FRY: variants seen among roughly 807,000 people sequenced by gnomAD.
FRY encodes the protein protein furry homolog.
Under a neutral mutation model 348.4 loss-of-function variants are expected in FRY, and 128 were observed. That is an observed-to-expected ratio of 0.37 (90% CI 0.32 to 0.43). The LOEUF is 0.43. FRY is among the 20% of genes least tolerant of loss of function. The pLI, the probability that FRY is intolerant of heterozygous loss-of-function variation, is 1.00. For missense variants in FRY, 2,736 were observed against 3,695.2 expected (o/e 0.74, Z 6.73); for synonymous variants, 1,370 against 1,374.7 (o/e 1.00, Z 0.08).
intron 1 of FRY, 27 bp from the exon 2 acceptor site, chr13:32,078,807 A>T (rs748037214): frequency 5.9e-6 from 9 of 1,538,250 alleles, no homozygotes; most frequent in Middle Eastern, 1.8e-4. Flanking sequence ...ATTATCAGCC[A>T]GTAAGAATGC....
chr13:32,224,193 T>G, intron 36 of FRY, 42 bp from the exon 37 acceptor site: 1 of 1,562,134 alleles, frequency 6.4e-7, no homozygotes, highest in Non-Finnish European at 8.8e-7. Flanking sequence ...ACAAGTCTCC[T>G]CTCCCTGAAA....
At chr13:32,275,257 A>G (rs949998705) in intron 56 of FRY, 125 of 313,034 alleles carry the variant, frequency 4.0e-4, no homozygotes, top group East Asian at 9.3e-4. Flanking sequence ...GTGTAGTGGC[A>G]GGCGCCTGTA....
intron 58 of FRY, among the ~76,000 whole-genome samples, chr13:32,281,396 A>G (rs961995572): frequency 6.6e-6 from 1 of 152,208 alleles, no homozygotes; most frequent in Non-Finnish European, 1.5e-5. Context: ...CACATGGGAA[A>G]ACACTCAAGA....
intron 2 of FRY, among the ~76,000 whole-genome samples, chr13:32,090,085 A>C (rs968140973): frequency 2.6e-5 from 4 of 151,902 alleles, no homozygotes; most frequent in Admixed American, 2.0e-4. Context: ...GCTGTGGCTC[A>C]TGCCTGTAAT....
rs1370434141 is a variant in FRY at position 32,184,648 on chromosome 13, C to T, written c.3103C>T (p.Arg1035Ter). The change falls in exon 25 of 61, where the codon CGA becomes TGA. Residue 1035 changes from arginine (R) to a stop codon, truncating the protein, a stop_gained. Transcript: ENST00000542859. LOFTEE classifies it high-confidence loss of function. ...AGACTTGTTAAGGCTACAACTACTTCGAATTTTTGAACTTTTGGCTGATGC... is the reference window on the plus strand; with the variant it reads ...AGACTTGTTAAGGCTACAACTACTTTGAATTTTTGAACTTTTGGCTGATGC... The part of the protein sequence containing the change: ...RRDLLRLQLL[R>*]IFELLADAGV... The T allele has an allele frequency of 1.2e-6, 2 of 1,613,614 alleles. No individual in the cohort carries two copies. Among genetic ancestry groups the T allele is most frequent in the Non-Finnish European group, 1.7e-6 (2 of 1,179,488 alleles).
chr13:32,127,635 T>C (rs1042065695), intron 7 of FRY, among the ~76,000 whole-genome samples: 21 of 152,114 alleles, frequency 1.4e-4, no homozygotes, highest in African/African-American at 2.4e-4. Flanking sequence ...AAATATTAGC[T>C]GGGAGTGGTG....
chr13:32,256,126 T>G lies in FRY; in HGVS notation c.7416+1732T>G, dbSNP rs1887323341. 2.0e-5 allele frequency among the ~76,000 whole-genome samples: 3 copies of G among 152,336 alleles called. No individual in the cohort carries two copies. The South Asian group carries it at 6.2e-4, about 32-fold the overall frequency. ...AAAATAAATATTATACTAATGTTTT[T>G]CAGGGACAAGAAATAAGGAATACTA... On this transcript the variant is annotated intron_variant, in intron 51 of 60. Transcript: ENST00000542859.
chr13:32,112,102 G>A (rs1030147949), intron 3 of FRY, among the ~76,000 whole-genome samples: 4 of 152,186 alleles, frequency 2.6e-5, no homozygotes, highest in African/African-American at 7.2e-5. Flanking sequence ...GCTTGGACAC[G>A]GGATAGGTGG....
chr13:32,266,265 C>A (rs2138561580), intron 54 of FRY, among the ~76,000 whole-genome samples: 1 of 152,292 alleles, frequency 6.6e-6, no homozygotes, highest in South Asian at 2.1e-4. Flanking sequence ...TTACAGTGAG[C>A]AATGTCTGTC....
chr13:32,096,944 T>TTATATA (rs35657403), intron 2 of FRY, among the ~76,000 whole-genome samples: 12 of 150,988 alleles, frequency 7.9e-5, no homozygotes, highest in Non-Finnish European at 1.5e-4. Flanking sequence ...TAGCAACAAC[T>TTATATA]TATATATATA....
chr13:32,078,270 G>C (rs1257899720), intron 1 of FRY, among the ~76,000 whole-genome samples: 5 of 152,186 alleles, frequency 3.3e-5, no homozygotes, highest in South Asian at 2.1e-4. Flanking sequence ...ACCTTGGACG[G>C]CAAACAGAGC....
intron 28 of FRY, among the ~76,000 whole-genome samples, chr13:32,188,165 A>T (rs1883132778): frequency 6.6e-6 from 1 of 152,150 alleles, no homozygotes; most frequent in Non-Finnish European, 1.5e-5. Context: ...GAATAGAATT[A>T]AAAGATAAAA....
chr13:32,264,302 A>G (rs1887814425), intron 53 of FRY, among the ~76,000 whole-genome samples: 1 of 152,148 alleles, frequency 6.6e-6, no homozygotes, highest in Non-Finnish European at 1.5e-5. Flanking sequence ...TTTACCAGCA[A>G]TTCCTCCAAA....
chr13:32,287,500 T>G (rs1889136767), intron 58 of FRY, among the ~76,000 whole-genome samples: 1 of 152,224 alleles, frequency 6.6e-6, no homozygotes, highest in African/African-American at 2.4e-5. Flanking sequence ...TAAGCTGGCT[T>G]CCTCTCAGTT....
chr13:32,074,760 G>C (rs1167607342), intron 1 of FRY, among the ~76,000 whole-genome samples: 1 of 152,212 alleles, frequency 6.6e-6, no homozygotes, highest in Non-Finnish European at 1.5e-5. Context: ...TCTTCAACAA[G>C]TATTTGGATG....
At chr13:32,180,524 C>T (rs1882642906) in intron 23 of FRY, among the ~76,000 whole-genome samples, 1 of 152,224 alleles carries the variant, frequency 6.6e-6, no homozygotes, top group African/African-American at 2.4e-5. Context: ...CGTGAGCCAC[C>T]ATGCCCGGCT....
intron 1 of FRY, among the ~76,000 whole-genome samples, chr13:32,071,054 C>T (rs1182588608): frequency 6.6e-6 from 1 of 152,180 alleles, no homozygotes; most frequent in Admixed American, 6.5e-5. Context: ...GGCCTCTGTT[C>T]TGTTCCATTT....
chr13:32,129,988 G>C lies in FRY; in HGVS notation c.717-1684G>C, dbSNP rs558513346. ...TTTCTGCTTTAAGGTCTCAAGAATT[G>C]TTCCAAACTTCCGGGACTCTATTAG... On this transcript the variant is annotated intron_variant, in intron 7 of 60. Coordinates refer to ENST00000542859, the MANE Select transcript of FRY (RefSeq NM_023037.3). Among the ~76,000 whole-genome samples, 6 of 148,902 alleles carry C rather than the reference G, an allele frequency of 4.0e-5. No homozygotes were observed. The South Asian group carries it at 1.3e-3, about 32-fold the overall frequency.
In FRY at chr13:32,296,346, G is replaced by A. The variant is rs555709943; in HGVS notation, c.*886G>A. 6 of 152,716 alleles carry A rather than the reference G, an allele frequency of 3.9e-5. No homozygotes were observed. The South Asian group carries it at 1.0e-3, about 26-fold the overall frequency. The allele number at this position is 152,716 out of a possible 1,614,324, so 9.5% of individuals were successfully genotyped here. The stretch of plus-strand genomic sequence containing the variant: ...GCATATTTTAATATCTGTTTGGATA[G>A]TCAGAAGTAGAATCATAAAGGTAAA... On this transcript the variant is annotated 3_prime_UTR_variant, in exon 61 of 61. Transcript: ENST00000542859.
Sources: allele counts gnomAD v4.1 joint callset (sites outside exome capture counted in the v4.1 genomes callset), GRCh38; gene constraint gnomAD v4.1.1; transcripts MANE v1.5; gene names NCBI Gene and HGNC (gene_info 2026-07-23, HGNC 2026-07-21).